The following CSMD3 variants were observed in gnomAD, a reference collection of about 807,000 sequenced individuals.
CSMD3 encodes CUB and Sushi multiple domains 3.
Under a neutral mutation model 435.2 loss-of-function variants are expected in CSMD3, and 177 were observed. The ratio of observed to expected loss-of-function variants is 0.41; its 90% confidence interval spans 0.36 to 0.46. The LOEUF (loss-of-function observed/expected upper bound fraction) is 0.46, where lower values mean the gene tolerates loss of function less well. Ranked by LOEUF, CSMD3 falls within the 20% of genes least tolerant of loss-of-function variation. CSMD3 has a pLI of 0.34. For synonymous variants in CSMD3, 1,656 were observed against 1,520.5 expected, an observed-to-expected ratio of 1.09 and a Z score of -2.07; for missense variants, 4,265 against 4,504.6, an observed-to-expected ratio of 0.95 and a Z score of 1.52.
At chr8:112,806,936 T>C (rs1298481888) in intron 12 of CSMD3, among the ~76,000 whole-genome samples, 1 of 152,200 alleles carries the variant, frequency 6.6e-6, no homozygotes, top group African/African-American at 2.4e-5. Context: ...TCAAACCAAG[T>C]TTGCAGTTTC....
intron 7 of CSMD3, among the ~76,000 whole-genome samples, chr8:112,956,566 T>C (rs958949489): frequency 1.3e-5 from 2 of 152,106 alleles, no homozygotes; most frequent in African/African-American, 4.8e-5. Context: ...TTCATGGTGA[T>C]TTTAACACGT....
At chr8:113,022,794 T>G (rs184021590) in intron 5 of CSMD3, among the ~76,000 whole-genome samples, 1 of 151,954 alleles carries the variant, frequency 6.6e-6, no homozygotes, top group African/African-American at 2.4e-5. Context: ...TACTAAAAAA[T>G]TATTAATGAC....
intron 13 of CSMD3, among the ~76,000 whole-genome samples, chr8:112,775,763 T>A (rs971439705): frequency 1.3e-5 from 2 of 151,932 alleles, no homozygotes; most frequent in African/African-American, 4.8e-5. Context: ...AATATATTTG[T>A]ATTTCCTAAG....
At chr8:112,896,052 T>C (rs186012998) in intron 10 of CSMD3, among the ~76,000 whole-genome samples, 31 of 151,652 alleles carry the variant, frequency 2.0e-4, no homozygotes, top group Admixed American at 1.8e-3. Flanking sequence ...CTTCCATTGA[T>C]TTCAGGCTAA....
At chr8:112,273,657 T>C (rs11781364) in intron 59 of CSMD3, among the ~76,000 whole-genome samples, 36,715 of 142,412 alleles carry the variant, frequency 0.26, 4,618 homozygotes, top group East Asian at 0.38. Flanking sequence ...ACCCGGTAGG[T>C]GGAGTTTGCA....
intron 53 of CSMD3, among the ~76,000 whole-genome samples, chr8:112,299,695 A>C (rs1365654596): frequency 6.6e-6 from 1 of 152,128 alleles, no homozygotes; most frequent in Non-Finnish European, 1.5e-5. Context: ...TCTAAGCTAA[A>C]AGTGTCTGAG....
At chr8:112,711,245 G>A (rs1183535536) in intron 13 of CSMD3, among the ~76,000 whole-genome samples, 1 of 151,936 alleles carries the variant, frequency 6.6e-6, no homozygotes, top group Non-Finnish European at 1.5e-5. Context: ...AATTTTACCA[G>A]GGTAATTTCA....
At chr8:112,766,615 A>G (rs1158695419) in intron 13 of CSMD3, among the ~76,000 whole-genome samples, 2 of 151,910 alleles carry the variant, frequency 1.3e-5, no homozygotes, top group African/African-American at 4.8e-5. Flanking sequence ...CAATGTAACT[A>G]TAATTCAGTG....
chr8:112,749,866 TGTCA>T (rs931726438), intron 13 of CSMD3, among the ~76,000 whole-genome samples: 2 of 69,364 alleles, frequency 2.9e-5, no homozygotes, highest in African/African-American at 1.9e-4. Context: ...AATATTTCTC[TGTCA>T]GTCACAGAGA....
chr8:113,405,407 A>C (rs1284250353), intron 1 of CSMD3, among the ~76,000 whole-genome samples: 1 of 151,608 alleles, frequency 6.6e-6, no homozygotes, highest in African/African-American at 2.4e-5. Context: ...TATCAGCCTA[A>C]ATGATGTTTG....
At chr8:113,332,454 T>C (rs1240429488) in intron 1 of CSMD3, among the ~76,000 whole-genome samples, 1 of 151,418 alleles carries the variant, frequency 6.6e-6, no homozygotes, top group Non-Finnish European at 1.5e-5. Flanking sequence ...TAAATATCAG[T>C]GAACAAAAAA....
chr8:112,906,380 A>G (rs2082263033), intron 10 of CSMD3, among the ~76,000 whole-genome samples: 2 of 151,374 alleles, frequency 1.3e-5, no homozygotes, highest in Admixed American at 6.6e-5. Flanking sequence ...CAACCCATAT[A>G]ACTTTTCATG....
intron 3 of CSMD3, among the ~76,000 whole-genome samples, chr8:113,275,900 G>A (rs556322618): frequency 6.6e-6 from 1 of 152,056 alleles, no homozygotes; most frequent in Admixed American, 6.6e-5. Context: ...GTCCAGGTTA[G>A]TAGATCTATT....
intron 9 of CSMD3, among the ~76,000 whole-genome samples, chr8:112,925,828 T>C (rs956148596): frequency 1.3e-5 from 2 of 152,226 alleles, no homozygotes; most frequent in African/African-American, 4.8e-5. Context: ...TGTCCTCTGA[T>C]TTAGATTTTC....
intron 5 of CSMD3, among the ~76,000 whole-genome samples, chr8:113,065,275 C>CTAT (rs1291710429): frequency 2.0e-5 from 3 of 152,102 alleles, no homozygotes; most frequent in African/African-American, 4.8e-5. Context: ...ACGTACCTTG[C>CTAT]TATTTTAAGT....
At chr8:112,638,675 T>C (rs1252107691) in intron 21 of CSMD3, 21 bp downstream of exon 21, 1 of 1,439,604 alleles carries the variant, frequency 6.9e-7, no homozygotes, top group Non-Finnish European at 9.8e-7. Context: ...GAATGAGCCC[T>C]TTTGTTTTTT....
chr8:112,657,610 G>A (rs1458975545), intron 17 of CSMD3, among the ~76,000 whole-genome samples: 4 of 152,070 alleles, frequency 2.6e-5, no homozygotes, highest in African/African-American at 9.7e-5. Flanking sequence ...TTGCACTTCA[G>A]GGTTATACTA....
At chr8:112,940,024 C>A (rs1463696514) in intron 9 of CSMD3, among the ~76,000 whole-genome samples, 2 of 151,874 alleles carry the variant, frequency 1.3e-5, no homozygotes, top group Non-Finnish European at 2.9e-5. Flanking sequence ...CTTCTATATA[C>A]TAACGGTCTC....
intron 1 of CSMD3, among the ~76,000 whole-genome samples, chr8:113,341,130 T>C (rs1018867992): frequency 6.6e-6 from 1 of 152,180 alleles, no homozygotes; most frequent in Non-Finnish European, 1.5e-5. Context: ...ACAAAACTTA[T>C]ACGTGTATAT....
Sources: allele counts gnomAD v4.1 joint callset (sites outside exome capture counted in the v4.1 genomes callset), GRCh38; gene constraint gnomAD v4.1.1; transcripts MANE v1.5; gene names NCBI Gene and HGNC (gene_info 2026-07-23, HGNC 2026-07-21).